The following HACE1 variants were observed in gnomAD, a reference collection of about 807,000 sequenced individuals.
HACE1 encodes the protein HECT domain and ankyrin repeat containing E3 ubiquitin protein ligase 1.
HACE1 carries 73 observed loss-of-function variants against 118.4 expected under a neutral mutation model. That is an observed-to-expected ratio of 0.62 (90% CI 0.51 to 0.75). The LOEUF (loss-of-function observed/expected upper bound fraction) is 0.75, where lower values mean the gene tolerates loss of function less well. Among genes scored for constraint, HACE1 ranks in the 30% least tolerant of loss-of-function variants. HACE1 has a pLI of 0.00. For synonymous variants in HACE1, 368 were observed against 374.8 expected (o/e 0.98, Z 0.21); for missense variants, 749 against 1,102.2 (o/e 0.68, Z 4.54).
At chr6:104,782,387 C>T (rs999727701) in intron 14 of HACE1, 1 of 152,362 alleles carries the variant, frequency 6.6e-6, no homozygotes, top group Non-Finnish European at 1.5e-5. Flanking sequence ...ACTTGAAAGA[C>T]TGAGCTGGGA....
Position 104,791,088 on chromosome 6 carries a change from A to G in HACE1, c.1074+416T>C, listed in dbSNP as rs890916948. Reference sequence around the variant, plus strand: ...CAGTAAATGAAAGTACCTTACTTTGAAAACACATACAGACACACATCTAAC... The same window carrying G: ...CAGTAAATGAAAGTACCTTACTTTGGAAACACATACAGACACACATCTAAC... On this transcript the variant is annotated intron_variant, in intron 11 of 23. Coordinates refer to ENST00000262903, the MANE Select transcript of HACE1 (RefSeq NM_020771.4). Among the ~76,000 whole-genome samples, 5 of 152,226 alleles carry G rather than the reference A, an allele frequency of 3.3e-5. No homozygotes were observed. The South Asian group carries it at 6.2e-4, about 19-fold the overall frequency.
At chr6:104,741,913 C>G (rs557599831) in intron 22 of HACE1, among the ~76,000 whole-genome samples, 1 of 151,528 alleles carries the variant, frequency 6.6e-6, no homozygotes, top group African/African-American at 2.4e-5. Flanking sequence ...TCAAACTATA[C>G]GACAAGGCTA....
chr6:104,731,497 G>A (rs1775197662), intron 22 of HACE1: 1 of 152,016 alleles, frequency 6.6e-6, no homozygotes, highest in Admixed American at 6.6e-5. Context: ...TCAAAACAGT[G>A]TGATACTGCC....
chr6:104,791,570 G>GGA lies in HACE1; in HGVS notation c.1006_1007dup (p.Ser337ProfsTer32). On this transcript the variant is annotated frameshift_variant, in exon 11 of 24. Transcript: ENST00000262903. LOFTEE classifies it high-confidence loss of function. ...CCATATCAATTCCATTACTGGGGGA[G>GGA]GATGGACCAATTCGAAAGACGTGAC... is the stretch of plus-strand genomic sequence containing the variant. 1 of 1,611,056 alleles carries GGA rather than the reference G, an allele frequency of 6.2e-7. No individual in the cohort carries two copies. Among genetic ancestry groups the GGA allele is most frequent in the Non-Finnish European group, 8.5e-7 (1 of 1,177,312 alleles).
intron 1 of HACE1, 142 bp from the exon 2 acceptor site, chr6:104,852,513 G>C (rs1039306854): frequency 4.8e-6 from 3 of 625,574 alleles, no homozygotes; most frequent in African/African-American, 3.7e-5. Flanking sequence ...CAGAATACCA[G>C]AGGTATTTCA....
chr6:104,743,512 C>A (rs9499944), intron 22 of HACE1, among the ~76,000 whole-genome samples: 34,170 of 151,562 alleles, frequency 0.23, 4,974 homozygotes, highest in African/African-American at 0.43. Context: ...ATGAAAAAAA[C>A]CAAACTACAT....
chr6:104,761,655 A>G (rs998020672), intron 19 of HACE1, among the ~76,000 whole-genome samples: 2 of 152,248 alleles, frequency 1.3e-5, no homozygotes, highest in Admixed American at 6.5e-5. Context: ...CTTCATGTCT[A>G]AAACACCAAA....
At chr6:104,756,838 C>T (rs1778754598) in intron 19 of HACE1, among the ~76,000 whole-genome samples, 1 of 152,176 alleles carries the variant, frequency 6.6e-6, no homozygotes, top group African/African-American at 2.4e-5. Context: ...TACACTCCTG[C>T]CCAAATAATG....
chr6:104,809,674 A>G (rs1041814804), intron 7 of HACE1, among the ~76,000 whole-genome samples: 11 of 122,020 alleles, frequency 9.0e-5, no homozygotes, highest in Admixed American at 1.6e-4. Flanking sequence ...TTTTTTTTTT[A>G]AGATCACTTT....
At chr6:104,841,419 G>A (rs1203215145) in intron 5 of HACE1, among the ~76,000 whole-genome samples, 1 of 152,128 alleles carries the variant, frequency 6.6e-6, no homozygotes, top group Admixed American at 6.6e-5. Flanking sequence ...AAAGATCTAT[G>A]TCATTTCTAG....
intron 22 of HACE1, 152 bp from the exon 23 acceptor site, chr6:104,730,568 G>A (rs1775096676): frequency 1.6e-6 from 1 of 636,364 alleles, no homozygotes; most frequent in East Asian, 2.8e-5. Context: ...ATTCATTACT[G>A]TAAGTTGCTT....
chr6:104,749,879 A>T (rs767300655), intron 20 of HACE1, among the ~76,000 whole-genome samples: 3 of 152,114 alleles, frequency 2.0e-5, no homozygotes, highest in Non-Finnish European at 4.4e-5. Flanking sequence ...GTTTGAAATA[A>T]AGAATTATAA....
At chr6:104,801,001 A>G (rs1770271828) in intron 7 of HACE1, among the ~76,000 whole-genome samples, 1 of 152,158 alleles carries the variant, frequency 6.6e-6, no homozygotes, top group African/African-American at 2.4e-5. Context: ...ACTGGAATAA[A>G]TAGTGTAGAG....
intron 11 of HACE1, 65 bp downstream of exon 11, chr6:104,791,439 G>C: frequency 7.3e-7 from 1 of 1,366,072 alleles, no homozygotes; most frequent in South Asian, 1.2e-5. Flanking sequence ...ATTAATGAAT[G>C]CATGCTTTGT....
chr6:104,758,874 C>CAA (rs892659385), intron 19 of HACE1, among the ~76,000 whole-genome samples: 1 of 125,434 alleles, frequency 8.0e-6, no homozygotes, highest in Admixed American at 8.0e-5. Flanking sequence ...AAATGGAAAG[C>CAA]AAAAAAAAAA....
At chr6:104,826,906 C>T (rs1773394963) in intron 6 of HACE1, among the ~76,000 whole-genome samples, 1 of 152,266 alleles carries the variant, frequency 6.6e-6, no homozygotes, top group African/African-American at 2.4e-5. Context: ...GGGTTCCCTC[C>T]TCCTTACAGA....
At chr6:104,738,516 A>G (rs2114448537) in intron 22 of HACE1, among the ~76,000 whole-genome samples, 1 of 150,268 alleles carries the variant, frequency 6.7e-6, no homozygotes, top group Admixed American at 6.6e-5. Context: ...AACTACGTGA[A>G]GAATGCAGAA....
chr6:104,737,497 G>A (rs992734801), intron 22 of HACE1, among the ~76,000 whole-genome samples: 5 of 152,138 alleles, frequency 3.3e-5, no homozygotes, highest in African/African-American at 1.2e-4. Flanking sequence ...GAAGCAGGGC[G>A]AGGCATTGCC....
intron 6 of HACE1, among the ~76,000 whole-genome samples, chr6:104,830,758 C>CTTTTTT (rs3035081): frequency 2.3e-5 from 3 of 132,958 alleles, no homozygotes; most frequent in Non-Finnish European, 4.7e-5. Context: ...AAATTACATT[C>CTTTTTT]TTTTTTTTTT....
Sources: allele counts gnomAD v4.1 joint callset (sites outside exome capture counted in the v4.1 genomes callset), GRCh38; gene constraint gnomAD v4.1.1; transcripts MANE v1.5; gene names NCBI Gene and HGNC (gene_info 2026-07-23, HGNC 2026-07-21).